The following FRS2 variants were observed in gnomAD, a reference collection of about 807,000 sequenced individuals.
The protein encoded by FRS2 is fibroblast growth factor receptor substrate 2.
FRS2 carries 8 observed loss-of-function variants against 43.9 expected under a neutral mutation model. The observed-to-expected ratio is 0.18, with a 90% confidence interval of 0.11 to 0.33. FRS2 has a LOEUF of 0.33. Ranked by LOEUF, FRS2 falls within the 10% of genes least tolerant of loss-of-function variation. FRS2 has a pLI of 1.00. For missense variants in FRS2, 534 were observed against 627.6 expected (o/e 0.85, Z 1.59); for synonymous variants, 219 against 220.3 (o/e 0.99, Z 0.05).
chr12:69,519,524 A>G (rs1021668533), intron 1 of FRS2, among the ~76,000 whole-genome samples: 3 of 152,096 alleles, frequency 2.0e-5, no homozygotes, highest in Non-Finnish European at 4.4e-5. Context: ...CTAGTACCCA[A>G]TAGTTATTTT....
chr12:69,558,656 T>G (rs1026718835), intron 3 of FRS2, among the ~76,000 whole-genome samples: 7 of 152,214 alleles, frequency 4.6e-5, no homozygotes, highest in African/African-American at 1.7e-4. Flanking sequence ...CCAGGGAGAC[T>G]TTTTTGATGC....
chr12:69,536,877 C>T (rs895704835), intron 3 of FRS2, among the ~76,000 whole-genome samples: 3 of 152,040 alleles, frequency 2.0e-5, no homozygotes, highest in Non-Finnish European at 4.4e-5. Context: ...CTCTGATTTA[C>T]GTGTATTTCT....
intron 6 of FRS2, among the ~76,000 whole-genome samples, chr12:69,570,974 G>GAATA (rs761020581): frequency 1.3e-4 from 20 of 152,166 alleles, no homozygotes; most frequent in Non-Finnish European, 2.2e-4. Flanking sequence ...GATCACCTTG[G>GAATA]AATAGTGAGT....
intron 1 of FRS2, among the ~76,000 whole-genome samples, chr12:69,479,390 C>CTTTTTTTTTTTTTTTTTTTTTTTTT (rs57688271): frequency 8.4e-6 from 1 of 119,698 alleles, no homozygotes; most frequent in Non-Finnish European, 1.7e-5. Context: ...TCTGTTGTTT[C>CTTTTTTTTTTTTTTTTTTTTTTTTT]TTTTTTTTTT....
At chr12:69,523,501 A>G (rs772060485) in intron 1 of FRS2, among the ~76,000 whole-genome samples, 5 of 152,166 alleles carry the variant, frequency 3.3e-5, no homozygotes, top group Non-Finnish European at 7.3e-5. Context: ...TTGAAACAGT[A>G]TACCATTGGG....
chr12:69,557,298 C>G (rs1174962031), intron 3 of FRS2, among the ~76,000 whole-genome samples: 1 of 152,118 alleles, frequency 6.6e-6, no homozygotes, highest in African/African-American at 2.4e-5. Flanking sequence ...GAATTTTGAT[C>G]TACAATGTTT....
At chr12:69,518,964 C>G (rs1158073510) in intron 1 of FRS2, among the ~76,000 whole-genome samples, 2 of 149,774 alleles carry the variant, frequency 1.3e-5, no homozygotes, top group African/African-American at 2.5e-5. Flanking sequence ...CCCTTGCACT[C>G]CAGCCTTGGC....
chr12:69,571,840 G>A (rs890566252), intron 7 of FRS2, among the ~76,000 whole-genome samples: 1 of 152,010 alleles, frequency 6.6e-6, no homozygotes. Context: ...TTCCAGCCTG[G>A]GCGACATAGC....
chr12:69,569,142 G>A (rs371094152), intron 5 of FRS2, 46 bp downstream of exon 5: 300 of 1,124,504 alleles, frequency 2.7e-4, no homozygotes, highest in Non-Finnish European at 5.6e-5. Context: ...CTAGTTGGGT[G>A]TTCTTCTTTT....
intron 3 of FRS2, among the ~76,000 whole-genome samples, chr12:69,546,668 G>C (rs555102714): frequency 6.6e-6 from 1 of 152,070 alleles, no homozygotes; most frequent in East Asian, 1.9e-4. Flanking sequence ...TGGGATTACA[G>C]GTGTGAGCCA....
chr12:69,520,272 A>G (rs954376050), intron 1 of FRS2, among the ~76,000 whole-genome samples: 1 of 151,288 alleles, frequency 6.6e-6, no homozygotes, highest in Non-Finnish European at 1.5e-5. Context: ...TCTTGAAAAT[A>G]TGTTTAAGTT....
At chr12:69,490,271 TTAAA>T (rs981845989) in intron 1 of FRS2, among the ~76,000 whole-genome samples, 39 of 152,280 alleles carry the variant, frequency 2.6e-4, no homozygotes, top group African/African-American at 9.1e-4. Flanking sequence ...AAAAATCATA[TTAAA>T]TAGCAACATT....
intron 1 of FRS2, among the ~76,000 whole-genome samples, chr12:69,506,412 A>G (rs1245340602): frequency 6.6e-6 from 1 of 152,166 alleles, no homozygotes; most frequent in Non-Finnish European, 1.5e-5. Flanking sequence ...TTTATCCAGT[A>G]TTTTAGAATA....
intron 1 of FRS2, among the ~76,000 whole-genome samples, chr12:69,503,804 C>T (rs1358480712): frequency 6.6e-6 from 1 of 152,170 alleles, no homozygotes; most frequent in African/African-American, 2.4e-5. Context: ...TGCCCTACAT[C>T]ACCCCTGGGG....
rs771052469 is a variant in FRS2, at chr12:69,576,380, A to C, written c.*1425A>C. On this transcript the variant is annotated 3_prime_UTR_variant, in exon 9 of 9. Coordinates refer to ENST00000549921, the MANE Select transcript of FRS2 (RefSeq NM_001278356.2). ...ATAATTTAGGATTTAAAATGAATTA[A>C]AGTTTATATAAACTGAAGAGTCTCC... 6 of 152,220 alleles carry C rather than the reference A, an allele frequency of 3.9e-5. No homozygotes were observed. The highest frequency in any genetic ancestry group is 8.8e-5 in the Non-Finnish European group (6 of 68,044). 9.4% of individuals were successfully genotyped at this position (152,220 alleles called of 1,614,324 possible).
chr12:69,481,285 T>C (rs1252022131), intron 1 of FRS2, among the ~76,000 whole-genome samples: 1 of 151,530 alleles, frequency 6.6e-6, no homozygotes, highest in Non-Finnish European at 1.5e-5. Context: ...TCCAGAATTT[T>C]TTTTTTTTTT....
In FRS2 at chr12:69,578,862, T is replaced by C. The variant is rs2135837652; in HGVS notation, c.*3907T>C. On this transcript the variant is annotated 3_prime_UTR_variant, in exon 9 of 9. Transcript: ENST00000549921. ...CAACAGTGGGACTACCATTGCCAAA[T>C]TGTATATGAAATATGAATTTTACCC... 1 of 152,744 alleles carries C rather than the reference T, an allele frequency of 6.5e-6. No individual in the cohort carries two copies. The highest frequency in any genetic ancestry group is 1.9e-4 in the East Asian group (1 of 5,190). The allele number at this position is 152,744 out of a possible 1,614,324, so 9.5% of individuals were successfully genotyped here. A position where few individuals can be genotyped will look rare whatever the true frequency, so the allele number is the denominator to read the frequency against.
intron 3 of FRS2, among the ~76,000 whole-genome samples, chr12:69,550,234 T>C (rs1299791325): frequency 6.6e-6 from 1 of 152,238 alleles, no homozygotes; most frequent in African/African-American, 2.4e-5. Flanking sequence ...CTTCCCAGTC[T>C]AATCAATCAT....
Position 69,572,231 on chromosome 12 carries a change from C to T in FRS2, c.526C>T (p.Pro176Ser), listed in dbSNP as rs969699522. Residue 176 changes from proline (P) to serine (S), a missense_variant, in exon 8 of 9, where the codon CCT becomes TCT. Physicochemically the swap from Pro to Ser is moderately conservative, Grantham distance 74. Coordinates refer to ENST00000549921, the MANE Select transcript of FRS2 (RefSeq NM_001278356.2). ...RHPSVGSARL[P>S]SVGEESTHPL... ...TCCTTCTGTGGGAAGTGCTCGCCTG[C>T]CTTCAGTAGGGGAAGAATCTACACA... is the stretch of plus-strand genomic sequence containing the variant. 1 of 1,612,428 alleles carries T rather than the reference C, an allele frequency of 6.2e-7. No individual in the cohort carries two copies. Among genetic ancestry groups the T allele is most frequent in the African/African-American group, 1.3e-5 (1 of 74,556 alleles).
Sources: gnomAD v4.1 joint callset for allele counts (sites outside exome capture counted in the v4.1 genomes callset) on GRCh38, gnomAD v4.1.1 for gene constraint, MANE v1.5 for transcripts, NCBI Gene and HGNC (gene_info 2026-07-23, HGNC 2026-07-21) for gene names.